The following UMAD1 variants were observed in gnomAD, a reference collection of about 807,000 sequenced individuals.
UMAD1 encodes the protein UBAP1-MVB12-associated (UMA)-domain containing protein 1.
Under a neutral mutation model 6.1 loss-of-function variants are expected in UMAD1, and 8 were observed. The ratio of observed to expected loss-of-function variants is 1.30; its 90% CI spans 0.76 to 2.35. The LOEUF (loss-of-function observed/expected upper bound fraction) is 2.35. Ranked by LOEUF, UMAD1 falls within the 30% of genes most tolerant of loss-of-function variation. The probability of loss-of-function intolerance (pLI) is 0.00; values close to 1 mark genes in which losing one functional copy is unlikely to be tolerated. For synonymous variants in UMAD1, 56 were observed against 31.4 expected (o/e 1.78, Z -2.61); for missense variants, 130 against 78.4 (o/e 1.66, Z -2.49).
chr7:7,860,865 A>C (rs1321392361), intron 3 of UMAD1, among the ~76,000 whole-genome samples: 1 of 152,182 alleles, frequency 6.6e-6, no homozygotes, highest in African/African-American at 2.4e-5. Context: ...CCATTAGTAG[A>C]TAAATGAATA....
At chr7:7,861,527 G>T (rs1784114935) in intron 3 of UMAD1, among the ~76,000 whole-genome samples, 1 of 152,170 alleles carries the variant, frequency 6.6e-6, no homozygotes, top group African/African-American at 2.4e-5. Flanking sequence ...TGGAGTTCTG[G>T]GTTAGGTGCA....
At chr7:7,710,894 A>G (rs1348429805) in intron 2 of UMAD1, among the ~76,000 whole-genome samples, 6 of 152,228 alleles carry the variant, frequency 3.9e-5, no homozygotes, top group South Asian at 2.1e-4. Flanking sequence ...AACAACCTGG[A>G]TGAATCTCCA....
At chr7:7,647,728 C>T (rs1027681701) in intron 1 of UMAD1, among the ~76,000 whole-genome samples, 2 of 152,152 alleles carry the variant, frequency 1.3e-5, no homozygotes, top group African/African-American at 2.4e-5. Flanking sequence ...TTCTGAGTAG[C>T]TGGGACTGCA....
intron 2 of UMAD1, among the ~76,000 whole-genome samples, chr7:7,800,922 G>A (rs4720754): frequency 0.66 from 100,355 of 152,080 alleles, 33,225 homozygotes; most frequent in Middle Eastern, 0.68. Flanking sequence ...CTAAATTAGC[G>A]TCTGATTATG....
At chr7:7,857,736 A>T (rs892043229) in intron 3 of UMAD1, among the ~76,000 whole-genome samples, 2 of 152,266 alleles carry the variant, frequency 1.3e-5, no homozygotes, top group African/African-American at 4.8e-5. Context: ...TAGAATTAGC[A>T]TATCGAGCTG....
chr7:7,712,730 A>G lies in UMAD1; in HGVS notation c.82+39277A>G, dbSNP rs114536294. 1.9e-3 allele frequency among the ~76,000 whole-genome samples: 288 copies of G among 152,294 alleles called. 3 individuals carry two copies. The highest frequency in any genetic ancestry group is 6.8e-3 in the African/African-American group (282 of 41,566). ...ATGTTGAAGAGAAGTGTCAAAGAAA[A>G]CATCTTTTCCCCACTTTTGATTGTA... On this transcript the variant is annotated intron_variant, in intron 2 of 3. Transcript: ENST00000682710.
At chr7:7,861,966 C>T (rs976095112) in intron 3 of UMAD1, among the ~76,000 whole-genome samples, 4 of 152,098 alleles carry the variant, frequency 2.6e-5, no homozygotes, top group African/African-American at 7.2e-5. Context: ...ACAGCCTTAA[C>T]ATGAAATAAC....
chr7:7,670,613 T>C (rs906008252), intron 1 of UMAD1, among the ~76,000 whole-genome samples: 4 of 152,194 alleles, frequency 2.6e-5, no homozygotes, highest in African/African-American at 9.6e-5. Flanking sequence ...CATTCAGATA[T>C]AGCATCATGC....
chr7:7,647,305 G>A (rs958567115), intron 1 of UMAD1, among the ~76,000 whole-genome samples: 1 of 152,118 alleles, frequency 6.6e-6, no homozygotes, highest in African/African-American at 2.4e-5. Context: ...ATAATTCCCA[G>A]TGAAACTGCA....
At chr7:7,794,786 G>C (rs1185764781) in intron 2 of UMAD1, among the ~76,000 whole-genome samples, 2 of 152,136 alleles carry the variant, frequency 1.3e-5, no homozygotes, top group African/African-American at 4.8e-5. Flanking sequence ...GATTACATCC[G>C]TAGAGAATCT....
At chr7:7,874,614 C>T (rs1387114575) in intron 3 of UMAD1, among the ~76,000 whole-genome samples, 8 of 152,056 alleles carry the variant, frequency 5.3e-5, no homozygotes, top group Non-Finnish European at 1.0e-4. Context: ...CTCAAGAGTT[C>T]GAGACCAGCC....
chr7:7,857,058 A>G (rs1264601666), intron 3 of UMAD1, among the ~76,000 whole-genome samples: 2 of 152,230 alleles, frequency 1.3e-5, no homozygotes, highest in African/African-American at 4.8e-5. Context: ...GGACTATATC[A>G]CATTATTCGG....
chr7:7,690,780 C>A (rs1478005235), intron 2 of UMAD1, among the ~76,000 whole-genome samples: 1 of 152,090 alleles, frequency 6.6e-6, no homozygotes, highest in African/African-American at 2.4e-5. Context: ...ATAGTGAAAG[C>A]ATTCCCTTCA....
At chr7:7,852,238 C>G (rs1783929832) in intron 3 of UMAD1, among the ~76,000 whole-genome samples, 1 of 152,160 alleles carries the variant, frequency 6.6e-6, no homozygotes, top group African/African-American at 2.4e-5. Flanking sequence ...TTCCTCTACT[C>G]TCACATCAAC....
intron 2 of UMAD1, among the ~76,000 whole-genome samples, chr7:7,774,322 G>C (rs779181849): frequency 6.6e-6 from 1 of 152,212 alleles, no homozygotes; most frequent in Non-Finnish European, 1.5e-5. Flanking sequence ...ATTGAAGGTA[G>C]ATAGCAGCAG....
chr7:7,703,132 A>G (rs1211593680), intron 2 of UMAD1, among the ~76,000 whole-genome samples: 2 of 152,224 alleles, frequency 1.3e-5, no homozygotes, highest in Non-Finnish European at 2.9e-5. Flanking sequence ...AATTGAATAC[A>G]GCTGTAGTTT....
chr7:7,816,217 G>A (rs548715245), intron 3 of UMAD1, among the ~76,000 whole-genome samples: 5 of 152,214 alleles, frequency 3.3e-5, no homozygotes, highest in South Asian at 4.2e-4. Context: ...TAATGGAACC[G>A]GAATTGAGAC....
intron 1 of UMAD1, among the ~76,000 whole-genome samples, chr7:7,653,635 G>C (rs993549170): frequency 1.3e-5 from 2 of 152,194 alleles, no homozygotes; most frequent in Non-Finnish European, 2.9e-5. Flanking sequence ...CTGAAGAAAA[G>C]GGCAGTATTC....
chr7:7,728,691 A>C (rs927085564), intron 2 of UMAD1, among the ~76,000 whole-genome samples: 2 of 152,082 alleles, frequency 1.3e-5, no homozygotes, highest in African/African-American at 4.8e-5. Context: ...CCATGGATTA[A>C]ATAAGTAGCC....
Sources: gnomAD v4.1 joint callset for allele counts (sites outside exome capture counted in the v4.1 genomes callset) on GRCh38, gnomAD v4.1.1 for gene constraint, MANE v1.5 for transcripts, NCBI Gene and HGNC (gene_info 2026-07-23, HGNC 2026-07-21) for gene names.